The following DDAH1 variants were observed in gnomAD, a reference collection of about 807,000 sequenced individuals.
DDAH1 encodes the protein N(G),N(G)-dimethylarginine dimethylaminohydrolase 1.
A neutral mutation model predicts 28.8 loss-of-function variants in DDAH1; 19 were observed. The ratio of observed to expected loss-of-function variants is 0.66; its 90% CI spans 0.46 to 0.97. DDAH1 has a LOEUF of 0.97. Ranked by LOEUF, DDAH1 falls within the 50% of genes least tolerant of loss-of-function variation. The pLI is 0.00. For synonymous variants in DDAH1, 153 were observed against 154.4 expected (o/e 0.99, Z 0.07); for missense variants, 326 against 375.9 (o/e 0.87, Z 1.10).
chr1:85,400,070 T>C (rs1416799253), intron 1 of DDAH1: 1 of 152,002 alleles, frequency 6.6e-6, no homozygotes, highest in Admixed American at 6.5e-5. Flanking sequence ...GCCAATTGTT[T>C]AGCAAAAAAA....
At chr1:85,466,609 A>C (rs1655390751), upstream of DDAH1, among the ~76,000 whole-genome samples, 1 of 152,126 alleles carries the variant, frequency 6.6e-6, no homozygotes, top group Non-Finnish European at 1.5e-5. Context: ...GACCAAAAGT[A>C]AAATAACAAA....
At chr1:85,364,915 A>G (rs757073592) in intron 1 of DDAH1, among the ~76,000 whole-genome samples, 1 of 152,110 alleles carries the variant, frequency 6.6e-6, no homozygotes, top group Non-Finnish European at 1.5e-5. Flanking sequence ...TGTGTACTCA[A>G]TGATCCGGTC....
chr1:85,507,890 A>G (rs1657081289), intron 1 of DDAH1, among the ~76,000 whole-genome samples: 1 of 152,098 alleles, frequency 6.6e-6, no homozygotes, highest in Non-Finnish European at 1.5e-5. Flanking sequence ...TTGTAATTTG[A>G]TTTTTCTTTG....
chr1:85,398,070 CAGTG>C (rs1257769309), intron 1 of DDAH1, among the ~76,000 whole-genome samples: 1 of 150,864 alleles, frequency 6.6e-6, no homozygotes, highest in African/African-American at 2.4e-5. Context: ...CACAGCATTA[CAGTG>C]AGTGAGTAAA....
chr1:85,481,836 T>C (rs1656025160), intron 2 of DDAH1, among the ~76,000 whole-genome samples: 1 of 152,212 alleles, frequency 6.6e-6, no homozygotes, highest in Non-Finnish European at 1.5e-5. Context: ...GCTTATTGAC[T>C]CTTCTCTCCT....
At chr1:85,400,184 T>TC (rs1652008235) in intron 1 of DDAH1, among the ~76,000 whole-genome samples, 2 of 78,450 alleles carry the variant, frequency 2.5e-5, no homozygotes, top group African/African-American at 9.8e-5. Flanking sequence ...TTTCTTTTTT[T>TC]TTTTTTTTTT....
At chr1:85,572,602 G>A (rs1023483623) in intron 1 of DDAH1, among the ~76,000 whole-genome samples, 11 of 152,158 alleles carry the variant, frequency 7.2e-5, no homozygotes, top group Admixed American at 2.0e-4. Context: ...TAGCCAATGG[G>A]AGGCAAAGCC....
At chr1:85,414,224 A>G (rs1169145993) in intron 1 of DDAH1, among the ~76,000 whole-genome samples, 1 of 152,242 alleles carries the variant, frequency 6.6e-6, no homozygotes, top group African/African-American at 2.4e-5. Context: ...AGAGCATTGT[A>G]GATCAGCAGG....
At chr1:85,349,291 G>A (rs570191758) in intron 4 of DDAH1, among the ~76,000 whole-genome samples, 5 of 152,272 alleles carry the variant, frequency 3.3e-5, no homozygotes, top group Admixed American at 1.3e-4. Flanking sequence ...GGGAAGAGGT[G>A]GAAGAAAGGC....
intron 4 of DDAH1, among the ~76,000 whole-genome samples, chr1:85,325,468 G>A (rs1647330189): frequency 6.6e-6 from 1 of 152,150 alleles, no homozygotes; most frequent in African/African-American, 2.4e-5. Flanking sequence ...GCCACCTGGG[G>A]AGAATAAGAA....
intron 1 of DDAH1, among the ~76,000 whole-genome samples, chr1:85,387,707 T>A (rs573797771): frequency 3.3e-4 from 50 of 152,252 alleles, no homozygotes; most frequent in Middle Eastern, 3.4e-3. Context: ...TGCTTCCCCA[T>A]TTTCAGGTAT....
At position 85,387,393 on chromosome 1, in the gene DDAH1, C is replaced by CT. The variant is rs1397827078; in HGVS notation, c.304-28547dup. ...GTGCTTTGCTGCTTAGAAATTTCTTCTACCAGATAACCTTCATCATCATCA... is the reference window on the plus strand; with the variant it reads ...GTGCTTTGCTGCTTAGAAATTTCTTCTTACCAGATAACCTTCATCATCATCA... On this transcript the variant is annotated intron_variant, in intron 1 of 5. Transcript: ENST00000284031. Among the ~76,000 whole-genome samples the CT allele has an allele frequency of 4.6e-5, 7 of 152,342 alleles. No individual in the cohort carries two copies. In the South Asian group the frequency reaches 8.3e-4, roughly 18 times the overall value.
chr1:85,396,472 C>A (rs560817804), intron 1 of DDAH1, among the ~76,000 whole-genome samples: 1 of 152,080 alleles, frequency 6.6e-6, no homozygotes, highest in Non-Finnish European at 1.5e-5. Flanking sequence ...TGGAAACTCA[C>A]TCATCGCAAA....
intron 1 of DDAH1, among the ~76,000 whole-genome samples, chr1:85,502,093 A>C (rs562329592): frequency 1.1e-4 from 16 of 152,222 alleles, no homozygotes; most frequent in Non-Finnish European, 1.8e-4. Flanking sequence ...ATATATGAAC[A>C]TACTTAACAC....
chr1:85,366,102 A>C (rs1322066153), intron 1 of DDAH1, among the ~76,000 whole-genome samples: 1 of 152,064 alleles, frequency 6.6e-6, no homozygotes, highest in African/African-American at 2.4e-5. Context: ...GCTGGTAAAA[A>C]AAAAAAAAAC....
intron 1 of DDAH1, among the ~76,000 whole-genome samples, chr1:85,437,779 AGT>A (rs1654008591): frequency 6.6e-6 from 1 of 152,230 alleles, no homozygotes; most frequent in African/African-American, 2.4e-5. Flanking sequence ...ACATAAGCAT[AGT>A]TTACCACTAA....
intron 1 of DDAH1, among the ~76,000 whole-genome samples, chr1:85,459,058 CACAA>C (rs1655020047): frequency 6.6e-6 from 1 of 152,074 alleles, no homozygotes; most frequent in Non-Finnish European, 1.5e-5. Context: ...CATAAGATGC[CACAA>C]ACAATTTACT....
intron 2 of DDAH1, among the ~76,000 whole-genome samples, chr1:85,474,236 G>A (rs1477250189): frequency 6.6e-6 from 1 of 152,122 alleles, no homozygotes; most frequent in Admixed American, 6.5e-5. Flanking sequence ...ATAATTATTG[G>A]TTTCCTAGAT....
At chr1:85,555,145 T>C (rs1279371868) in intron 1 of DDAH1, among the ~76,000 whole-genome samples, 1 of 152,246 alleles carries the variant, frequency 6.6e-6, no homozygotes, top group Non-Finnish European at 1.5e-5. Context: ...CCTGGCATAG[T>C]GCCTTGCACA....
Sources: allele counts gnomAD v4.1 joint callset (sites outside exome capture counted in the v4.1 genomes callset), GRCh38; gene constraint gnomAD v4.1.1; transcripts MANE v1.5; gene names NCBI Gene and HGNC (gene_info 2026-07-23, HGNC 2026-07-21).